CARMIL1: variants seen among roughly 807,000 people sequenced by gnomAD.
CARMIL1 encodes the protein capping protein regulator and myosin 1 linker 1, also known as F-actin-uncapping protein LRRC16A.
Under a neutral mutation model 177.1 loss-of-function variants are expected in CARMIL1, and 90 were observed. That is an observed-to-expected ratio of 0.51 (90% CI 0.43 to 0.61). The LOEUF is 0.61. Among genes scored for constraint, CARMIL1 ranks in the 20% least tolerant of loss-of-function variants. The pLI is 0.00. For synonymous variants in CARMIL1, 577 were observed against 606.2 expected (o/e 0.95, Z 0.71); for missense variants, 1,380 against 1,667.0 (o/e 0.83, Z 3.00).
At chr6:25,295,404 A>G (rs754868955) in intron 2 of CARMIL1, among the ~76,000 whole-genome samples, 19 of 152,294 alleles carry the variant, frequency 1.2e-4, no homozygotes, top group Middle Eastern at 3.4e-3. Flanking sequence ...GGTTATTTCC[A>G]ATATTTTGCC....
chr6:25,353,606 A>G (rs1457212267), intron 2 of CARMIL1, among the ~76,000 whole-genome samples: 1 of 152,192 alleles, frequency 6.6e-6, no homozygotes, highest in African/African-American at 2.4e-5. Flanking sequence ...TGGCTTAGCT[A>G]GCCTTTTATA....
At chr6:25,603,063 A>C (rs1480690998) in intron 33 of CARMIL1, among the ~76,000 whole-genome samples, 1 of 152,208 alleles carries the variant, frequency 6.6e-6, no homozygotes, top group Non-Finnish European at 1.5e-5. Flanking sequence ...AAAATCTGGG[A>C]GGGAAAAGAG....
At chr6:25,571,767 T>C (rs1431053287) in intron 29 of CARMIL1, among the ~76,000 whole-genome samples, 1 of 152,208 alleles carries the variant, frequency 6.6e-6, no homozygotes, top group African/African-American at 2.4e-5. Flanking sequence ...AATGTTTCAC[T>C]GAATCTAATC....
intron 29 of CARMIL1, among the ~76,000 whole-genome samples, chr6:25,566,666 CA>C (rs1811580482): frequency 6.6e-6 from 1 of 152,220 alleles, no homozygotes; most frequent in Non-Finnish European, 1.5e-5. Context: ...CTGTTGACCA[CA>C]TATCCCCAGT....
In CARMIL1 at chr6:25,581,498, G is replaced by T. The variant is rs149678858; in HGVS notation, c.3006+59G>T. On this transcript the variant is annotated intron_variant, in intron 31 of 36. Transcript: ENST00000329474. ...CACACCCTTTTCTTCTCTGGGGAAA[G>T]TTGGAGGGTCTTGCTAAAGTGCTTT... 211 of 1,476,416 alleles carry T rather than the reference G, an allele frequency of 1.4e-4. No homozygotes were observed. In the African/African-American group the frequency reaches 2.8e-3, roughly 20 times the overall value. 91.5% of individuals were successfully genotyped at this position (1,476,416 alleles called of 1,614,324 possible).
At chr6:25,383,554 G>A (rs1382044955) in intron 2 of CARMIL1, 1 of 152,020 alleles carries the variant, frequency 6.6e-6, no homozygotes, top group Non-Finnish European at 1.5e-5. Flanking sequence ...TGCTTTTTGT[G>A]TCCTGATTAC....
chr6:25,404,452 TGA>T (rs1169736045), intron 2 of CARMIL1, among the ~76,000 whole-genome samples: 1 of 151,178 alleles, frequency 6.6e-6, no homozygotes, highest in Non-Finnish European at 1.5e-5. Context: ...GGAGGGGAGG[TGA>T]TGAGCTTTAA....
intron 36 of CARMIL1, among the ~76,000 whole-genome samples, chr6:25,616,592 T>A (rs1816909414): frequency 1.3e-5 from 2 of 152,146 alleles, no homozygotes; most frequent in African/African-American, 2.4e-5. Context: ...AATAAATGCT[T>A]GCATGCATAC....
At chr6:25,403,669 C>G (rs1324541890) in intron 2 of CARMIL1, among the ~76,000 whole-genome samples, 1 of 152,166 alleles carries the variant, frequency 6.6e-6, no homozygotes, top group Admixed American at 6.5e-5. Flanking sequence ...CCATATGGTT[C>G]TTTCTCTTAC....
At chr6:25,408,084 G>A (rs750358244) in intron 2 of CARMIL1, among the ~76,000 whole-genome samples, 10 of 151,858 alleles carry the variant, frequency 6.6e-5, no homozygotes, top group Non-Finnish European at 1.3e-4. Context: ...CACTTGAGCT[G>A]AGGAGTTTGA....
intron 2 of CARMIL1, among the ~76,000 whole-genome samples, chr6:25,333,829 T>A (rs954183458): frequency 1.3e-5 from 2 of 152,200 alleles, no homozygotes; most frequent in Middle Eastern, 3.2e-3. Context: ...TTCCTGATGT[T>A]TTATAGCTTG....
chr6:25,494,116 TTTTA>T (rs563767099), intron 15 of CARMIL1, among the ~76,000 whole-genome samples: 22 of 149,868 alleles, frequency 1.5e-4, no homozygotes, highest in African/African-American at 4.4e-4. Context: ...TAAAGTTAGT[TTTTA>T]TTTATTTATT....
chr6:25,475,438 T>G (rs1339734024), intron 11 of CARMIL1, among the ~76,000 whole-genome samples: 1 of 151,774 alleles, frequency 6.6e-6, no homozygotes, highest in East Asian at 1.9e-4. Context: ...ATCTGCCATA[T>G]AACCCAGAAA....
chr6:25,309,894 C>T (rs1561965617), intron 2 of CARMIL1, among the ~76,000 whole-genome samples: 1 of 151,234 alleles, frequency 6.6e-6, no homozygotes, highest in Admixed American at 6.6e-5. Flanking sequence ...CTCAGCTTCT[C>T]GAGTAGTTGG....
At chr6:25,616,853 G>A (rs1759305033) in intron 36 of CARMIL1, among the ~76,000 whole-genome samples, 1 of 152,146 alleles carries the variant, frequency 6.6e-6, no homozygotes, top group Admixed American at 6.5e-5. Context: ...AAGAACAAAT[G>A]CTTTGACCTT....
chr6:25,375,918 T>C, intron 2 of CARMIL1, among the ~76,000 whole-genome samples: 1 of 152,200 alleles, frequency 6.6e-6, no homozygotes, highest in East Asian at 1.9e-4. Context: ...TTATGCTGAT[T>C]TTTACCTCTG....
intron 1 of CARMIL1, 60 bp from the exon 2 acceptor site, chr6:25,284,752 T>A: frequency 1.1e-6 from 1 of 922,892 alleles, no homozygotes; most frequent in South Asian, 1.5e-5. Flanking sequence ...CTCCTCCAAA[T>A]GCTTACTCCT....
At chr6:25,366,048 G>T (rs75675601) in intron 2 of CARMIL1, among the ~76,000 whole-genome samples, 56 of 152,166 alleles carry the variant, frequency 3.7e-4, no homozygotes, top group African/African-American at 1.3e-3. Flanking sequence ...GCTCAGGCTG[G>T]AGTACAGTGG....
chr6:25,422,337 C>T (rs116359597), intron 3 of CARMIL1, among the ~76,000 whole-genome samples: 3,584 of 152,216 alleles, frequency 0.024, 113 homozygotes, highest in African/African-American at 0.07. Flanking sequence ...CAAGTTATGG[C>T]GCTATAATGT....
Sources: allele counts gnomAD v4.1 joint callset (sites outside exome capture counted in the v4.1 genomes callset), GRCh38; gene constraint gnomAD v4.1.1; transcripts MANE v1.5; gene names NCBI Gene and HGNC (gene_info 2026-07-23, HGNC 2026-07-21).